SLC12A7: variants seen among roughly 807,000 people sequenced by gnomAD.
SLC12A7 encodes K-Cl cotransporter 4.
Under a neutral mutation model 120.6 loss-of-function variants are expected in SLC12A7, and 100 were observed. That is an observed-to-expected ratio of 0.83 (90% confidence interval 0.71 to 0.98). The LOEUF (loss-of-function observed/expected upper bound fraction) is 0.98. SLC12A7 is among the 50% of genes least tolerant of loss of function. SLC12A7 has a pLI of 0.00. For missense variants in SLC12A7, 1,373 were observed against 1,548.1 expected, an observed-to-expected ratio of 0.89 and a Z score of 1.90; for synonymous variants, 760 against 678.0, an observed-to-expected ratio of 1.12 and a Z score of -1.88.
intron 22 of SLC12A7, chr5:1,056,612 AAAC>A: frequency 1.0e-6 from 1 of 984,822 alleles, no homozygotes; most frequent in South Asian, 4.7e-5. Context: ...CAGGAGAAAA[AAAC>A]AAGAGTGTGT....
chr5:1,083,211 T>G (rs902812251), intron 8 of SLC12A7, among the ~76,000 whole-genome samples: 1 of 150,952 alleles, frequency 6.6e-6, no homozygotes, highest in African/African-American at 2.4e-5. Context: ...AAGCCTGGGC[T>G]TCCTCTCTAG....
chr5:1,124,588 C>T, the SLC12A7 span, among the ~76,000 whole-genome samples: 23,610 of 152,154 alleles, frequency 0.16, 2,001 homozygotes, highest in Admixed American at 0.24. Context: ...TCAGAGAACA[C>T]GGACTGGCGG....
At position 1,098,065 on chromosome 5, in the gene SLC12A7, A is replaced by AC. The variant is rs1167034032; in HGVS notation, c.125-3818dup. Among the ~76,000 whole-genome samples the AC allele has an allele frequency of 8.6e-5, 13 of 150,600 alleles. No homozygotes were observed. In the South Asian group the frequency reaches 2.7e-3, roughly 31 times the overall value. On this transcript the variant is annotated intron_variant, in intron 1 of 23. Coordinates refer to ENST00000264930, the MANE Select transcript of SLC12A7 (RefSeq NM_006598.3). Reference sequence around the variant, plus strand: ...CGTTAAAAATCCAATGCCCTCTCTAACCTTCTGCACACCCAGCCGCCCCCT... The same window carrying AC: ...CGTTAAAAATCCAATGCCCTCTCTAACCCTTCTGCACACCCAGCCGCCCCCT...
intron 1 of SLC12A7, among the ~76,000 whole-genome samples, chr5:1,101,029 T>C (rs1741963794): frequency 6.6e-6 from 1 of 152,132 alleles, no homozygotes. Flanking sequence ...CTGTGTGCGC[T>C]GCCCTCCTGC....
the SLC12A7 span, among the ~76,000 whole-genome samples, chr5:1,131,731 G>A: frequency 6.6e-6 from 1 of 152,240 alleles, no homozygotes; most frequent in Non-Finnish European, 1.5e-5. Flanking sequence ...TGGCTTGTCT[G>A]GGGTGGGTTC....
intron 16 of SLC12A7, among the ~76,000 whole-genome samples, chr5:1,074,277 G>C (rs1324972625): frequency 2.6e-5 from 4 of 152,134 alleles, no homozygotes; most frequent in African/African-American, 9.7e-5. Flanking sequence ...CTGAGGGGCA[G>C]AGGCTTCCCA....
At chr5:1,128,277 G>A in the SLC12A7 span, among the ~76,000 whole-genome samples, 4 of 152,176 alleles carry the variant, frequency 2.6e-5, no homozygotes, top group African/African-American at 9.7e-5. Context: ...GTAAACTCCC[G>A]CTGATCTGCA....
chr5:1,138,224 T>C, the SLC12A7 span, among the ~76,000 whole-genome samples: 3,343 of 152,192 alleles, frequency 0.022, 142 homozygotes, highest in African/African-American at 0.077. Context: ...TCCACATCAT[T>C]GAAATGAACC....
intron 17 of SLC12A7, among the ~76,000 whole-genome samples, 184 bp from the exon 18 acceptor site, chr5:1,065,662 T>C (rs73731150): frequency 9.7e-4 from 148 of 152,244 alleles, no homozygotes; most frequent in African/African-American, 3.4e-3. Flanking sequence ...TGTATGTGCG[T>C]GCTCACACAC....
At chr5:1,118,266 G>A in the SLC12A7 span, among the ~76,000 whole-genome samples, 1 of 152,198 alleles carries the variant, frequency 6.6e-6, no homozygotes, top group Non-Finnish European at 1.5e-5. Context: ...TTTCTCCCCT[G>A]TAATTCCCCT....
chr5:1,096,936 GA>G (rs1360750163), intron 1 of SLC12A7, among the ~76,000 whole-genome samples: 13 of 150,916 alleles, frequency 8.6e-5, no homozygotes, highest in South Asian at 6.4e-4. Context: ...GAGGGAGGGA[GA>G]GACCCGAGGG....
At position 1,089,021 on chromosome 5, in the gene SLC12A7, G is replaced by A. The variant is rs764841783; in HGVS notation, c.450C>T (p.Val150=). 8.1e-6 allele frequency: 13 copies of A among 1,612,994 alleles called. No homozygotes were observed. Among genetic ancestry groups the A allele is most frequent in the South Asian group, 6.6e-5 (6 of 91,090 alleles). The stretch of plus-strand genomic sequence containing the variant: ...TGGCCACGATGAGGAAGGACTCCAG[G>A]ACACCAGCCACCCCCACGATCCACG... ...RLTWIVGVAG[V]LESFLIVAMC... The change falls in exon 4 of 24, where the codon GTC becomes GTT. Residue 150 remains valine, a synonymous_variant. Coordinates refer to ENST00000264930, the MANE Select transcript of SLC12A7 (RefSeq NM_006598.3).
At position 1,079,757 on chromosome 5, in the gene SLC12A7, G is replaced by A. The variant is rs538614499; in HGVS notation, c.1298-261C>T. ...AACCGACCCCGTCACTGACCCCCAC[G>A]CCCCCCACACCCAGGGCTTCTCTGG... On this transcript the variant is annotated intron_variant, in intron 9 of 23. Coordinates refer to ENST00000264930, the MANE Select transcript of SLC12A7 (RefSeq NM_006598.3). Among the ~76,000 whole-genome samples, 210 of 152,214 alleles carry A rather than the reference G, an allele frequency of 1.4e-3. 1 individual carries two copies. The highest frequency in any genetic ancestry group is 4.4e-3 in the African/African-American group (182 of 41,516).
the SLC12A7 span, among the ~76,000 whole-genome samples, chr5:1,144,639 C>G: frequency 6.6e-6 from 1 of 152,190 alleles, no homozygotes; most frequent in Non-Finnish European, 1.5e-5. Context: ...ACCAGCGGAC[C>G]GCACCACACT....
upstream of SLC12A7, among the ~76,000 whole-genome samples, chr5:1,115,454 G>A (rs1230734926): frequency 6.6e-6 from 1 of 152,200 alleles, no homozygotes; most frequent in East Asian, 1.9e-4. Flanking sequence ...CTCTGCCCAC[G>A]GAGCTTCTCC....
chr5:1,102,312 C>G (rs1215745170), intron 1 of SLC12A7, among the ~76,000 whole-genome samples: 7 of 152,220 alleles, frequency 4.6e-5, no homozygotes, highest in Non-Finnish European at 1.5e-5. Context: ...CAGGGAGAAG[C>G]TGGCTCACCT....
At chr5:1,062,574 C>T (rs1736407769) in intron 20 of SLC12A7, among the ~76,000 whole-genome samples, 1 of 152,308 alleles carries the variant, frequency 6.6e-6, no homozygotes, top group East Asian at 1.9e-4. Context: ...GACACAGAAA[C>T]ACAGAAGGTT....
the SLC12A7 span, among the ~76,000 whole-genome samples, chr5:1,133,915 G>A: frequency 6.6e-6 from 1 of 152,132 alleles, no homozygotes; most frequent in Non-Finnish European, 1.5e-5. Context: ...GTGGGCTCTT[G>A]TTCTAACCGC....
chr5:1,079,419 T>C lies in SLC12A7; in HGVS notation c.1375A>G (p.Ile459Val), dbSNP rs1456590292. The C allele has an allele frequency of 2.5e-6, 4 of 1,612,604 alleles. No individual in the cohort carries two copies. The highest frequency in any genetic ancestry group is 3.4e-6 in the Non-Finnish European group (4 of 1,179,824). The change falls in exon 10 of 24, where the codon ATA becomes GTA. Residue 459 changes from isoleucine to valine, a missense_variant. Transcript: ENST00000264930. ...KSIPTGTILA[I>V]VTTSFIYLSC... ...ATACAGATGAAAGACGTCGTCACTA[T>C]GGCCAGGATGGTCCCCGTGGGGATG...
Sources: gnomAD v4.1 joint callset for allele counts (sites outside exome capture counted in the v4.1 genomes callset) on GRCh38, gnomAD v4.1.1 for gene constraint, MANE v1.5 for transcripts, NCBI Gene and HGNC (gene_info 2026-07-23, HGNC 2026-07-21) for gene names.